LRFN2: variants seen among roughly 807,000 people sequenced by gnomAD.
LRFN2 encodes the protein leucine rich repeat and fibronectin type III domain containing 2.
A neutral mutation model predicts 37.3 loss-of-function variants in LRFN2; 18 were observed. The ratio of observed to expected loss-of-function variants is 0.48; its 90% CI spans 0.33 to 0.72. LRFN2 has a LOEUF of 0.72. LRFN2 is among the 30% of genes least tolerant of loss of function. The pLI is 0.02. For synonymous variants in LRFN2, 556 were observed against 466.6 expected (o/e 1.19, Z -2.47); for missense variants, 1,006 against 1,060.7 (o/e 0.95, Z 0.72).
intron 1 of LRFN2, among the ~76,000 whole-genome samples, chr6:40,547,339 A>C (rs1393735369): frequency 6.6e-6 from 1 of 152,140 alleles, no homozygotes; most frequent in Non-Finnish European, 1.5e-5. Context: ...TCCTGACCTC[A>C]GGTGATCTGC....
At chr6:40,536,058 G>T (rs1353185364) in intron 1 of LRFN2, among the ~76,000 whole-genome samples, 1 of 152,102 alleles carries the variant, frequency 6.6e-6, no homozygotes, top group African/African-American at 2.4e-5. Context: ...ATGGTCAATG[G>T]CCAGCTGCAT....
At chr6:40,557,224 G>A (rs553429731) in intron 1 of LRFN2, among the ~76,000 whole-genome samples, 5 of 152,286 alleles carry the variant, frequency 3.3e-5, no homozygotes, top group South Asian at 2.1e-4. Context: ...CACCTTTTGC[G>A]GATTCCAAGG....
At chr6:40,498,160 G>A (rs1025012484) in intron 1 of LRFN2, among the ~76,000 whole-genome samples, 1 of 152,156 alleles carries the variant, frequency 6.6e-6, no homozygotes, top group Admixed American at 6.5e-5. Flanking sequence ...CACTGTCAGG[G>A]AAGCCCTGGA....
At chr6:40,457,818 G>T (rs1312656021) in intron 1 of LRFN2, among the ~76,000 whole-genome samples, 1 of 152,104 alleles carries the variant, frequency 6.6e-6, no homozygotes, top group Non-Finnish European at 1.5e-5. Flanking sequence ...GCTCTTGCAG[G>T]TCTGAGAGCT....
chr6:40,399,561 C>G (rs1762694269), intron 2 of LRFN2, among the ~76,000 whole-genome samples: 1 of 151,244 alleles, frequency 6.6e-6, no homozygotes, highest in African/African-American at 2.4e-5. Context: ...CTTCAGCCTC[C>G]TGAGTAACTG....
At chr6:40,574,038 C>T (rs1054460684) in intron 1 of LRFN2, among the ~76,000 whole-genome samples, 2 of 152,180 alleles carry the variant, frequency 1.3e-5, no homozygotes, top group Non-Finnish European at 2.9e-5. Flanking sequence ...CAGGCGAATT[C>T]GGACAGGTGG....
At chr6:40,569,293 G>C (rs1246362108) in intron 1 of LRFN2, among the ~76,000 whole-genome samples, 1 of 152,224 alleles carries the variant, frequency 6.6e-6, no homozygotes, top group Non-Finnish European at 1.5e-5. Flanking sequence ...CTGGAACCAA[G>C]GGAGAGTTGG....
At chr6:40,460,701 G>A (rs1397014038) in intron 1 of LRFN2, among the ~76,000 whole-genome samples, 1 of 152,194 alleles carries the variant, frequency 6.6e-6, no homozygotes, top group Non-Finnish European at 1.5e-5. Context: ...GGTTATAAAT[G>A]AAGTAGGTGA....
At chr6:40,442,710 G>C (rs1225075808) in intron 1 of LRFN2, among the ~76,000 whole-genome samples, 1 of 152,134 alleles carries the variant, frequency 6.6e-6, no homozygotes, top group Admixed American at 6.5e-5. Flanking sequence ...CCAAGGATAA[G>C]CCCAAATTTC....
intron 2 of LRFN2, among the ~76,000 whole-genome samples, chr6:40,405,721 C>T (rs1003674828): frequency 6.6e-6 from 1 of 152,124 alleles, no homozygotes; most frequent in Non-Finnish European, 1.5e-5. Context: ...AATGGGTCCC[C>T]CCTCCAACCC....
chr6:40,466,153 G>A (rs1006437887), intron 1 of LRFN2, among the ~76,000 whole-genome samples: 29 of 152,174 alleles, frequency 1.9e-4, no homozygotes, highest in African/African-American at 7.0e-4. Flanking sequence ...GAGAGTCCAG[G>A]AGATGTAATA....
chr6:40,503,232 G>A (rs1159148982), intron 1 of LRFN2, among the ~76,000 whole-genome samples: 1 of 152,176 alleles, frequency 6.6e-6, no homozygotes, highest in East Asian at 1.9e-4. Context: ...CATGATTAGA[G>A]TTTTGGTGTG....
At chr6:40,420,415 C>A (rs1763197534) in intron 2 of LRFN2, among the ~76,000 whole-genome samples, 1 of 152,256 alleles carries the variant, frequency 6.6e-6, no homozygotes, top group East Asian at 1.9e-4. Flanking sequence ...CTTTGCTTTG[C>A]TCTGTGTCTC....
At chr6:40,535,610 G>A (rs1581783385) in intron 1 of LRFN2, among the ~76,000 whole-genome samples, 1 of 152,062 alleles carries the variant, frequency 6.6e-6, no homozygotes, top group Non-Finnish European at 1.5e-5. Flanking sequence ...CCGGGGGTGG[G>A]ACTATGAGCC....
intron 1 of LRFN2, among the ~76,000 whole-genome samples, chr6:40,552,097 C>T (rs1012756098): frequency 6.6e-6 from 1 of 152,180 alleles, no homozygotes; most frequent in Non-Finnish European, 1.5e-5. Context: ...TTCTCTAACA[C>T]CGTGGTTCTC....
chr6:40,402,093 C>T (rs998090773), intron 2 of LRFN2, among the ~76,000 whole-genome samples: 3 of 152,210 alleles, frequency 2.0e-5, no homozygotes, highest in Admixed American at 6.5e-5. Context: ...CCAAAGGGAC[C>T]TGTTTGCTTT....
At chr6:40,504,476 T>G (rs1171814209) in intron 1 of LRFN2, among the ~76,000 whole-genome samples, 1 of 151,936 alleles carries the variant, frequency 6.6e-6, no homozygotes, top group African/African-American at 2.4e-5. Flanking sequence ...ACTAAAGAAG[T>G]GGGCGTATGA....
chr6:40,560,390 T>C (rs531519846), intron 1 of LRFN2, among the ~76,000 whole-genome samples: 88 of 152,264 alleles, frequency 5.8e-4, no homozygotes, highest in Non-Finnish European at 9.6e-4. Flanking sequence ...GGAAGCCCAG[T>C]TGAGGCCAAA....
At chr6:40,454,936 T>C (rs1283641683) in intron 1 of LRFN2, among the ~76,000 whole-genome samples, 1 of 152,212 alleles carries the variant, frequency 6.6e-6, no homozygotes, top group Non-Finnish European at 1.5e-5. Context: ...TCTATTTATC[T>C]TCTATATGCT....
Sources: gnomAD v4.1 joint callset for allele counts (sites outside exome capture counted in the v4.1 genomes callset) on GRCh38, gnomAD v4.1.1 for gene constraint, MANE v1.5 for transcripts, NCBI Gene and HGNC (gene_info 2026-07-23, HGNC 2026-07-21) for gene names.